GRAMD4: variants seen among roughly 807,000 people sequenced by gnomAD.
GRAMD4 encodes the protein GRAM domain containing 4, also known as GRAM domain-containing protein 4.
A neutral mutation model predicts 83.9 loss-of-function variants in GRAMD4; 25 were observed. That is an observed-to-expected ratio of 0.30 (90% CI 0.22 to 0.42). The LOEUF (loss-of-function observed/expected upper bound fraction) is 0.42. Ranked by LOEUF, GRAMD4 falls within the 10% of genes least tolerant of loss-of-function variation. GRAMD4 has a pLI of 1.00. For missense variants in GRAMD4, 593 were observed against 788.7 expected (o/e 0.75, Z 2.97); for synonymous variants, 336 against 320.9 (o/e 1.05, Z -0.50).
At chr22:46,675,152 T>C (rs904027973) in intron 16 of GRAMD4, among the ~76,000 whole-genome samples, 5 of 151,786 alleles carry the variant, frequency 3.3e-5, no homozygotes, top group Admixed American at 6.6e-5. Context: ...GAATGTCTTA[T>C]GCAGAGCAGT....
At chr22:46,676,848 A>G (rs1328123965) in intron 18 of GRAMD4, among the ~76,000 whole-genome samples, 180 bp downstream of exon 18, 1 of 152,126 alleles carries the variant, frequency 6.6e-6, no homozygotes, top group Admixed American at 6.5e-5. Context: ...TGGGTTGGAA[A>G]TCTTGCTGGG....
intron 1 of GRAMD4, among the ~76,000 whole-genome samples, chr22:46,609,201 C>T (rs2081394500): frequency 1.3e-5 from 2 of 152,198 alleles, no homozygotes; most frequent in Admixed American, 6.5e-5. Flanking sequence ...TCGCAGACCG[C>T]TGAGTGGCGC....
At chr22:46,641,557 C>G (rs1438268474) in intron 3 of GRAMD4, among the ~76,000 whole-genome samples, 3 of 152,192 alleles carry the variant, frequency 2.0e-5, no homozygotes, top group Non-Finnish European at 2.9e-5. Flanking sequence ...GCGCGTCACA[C>G]TTTTTGTCCT....
At chr22:46,676,714 G>A (rs1180246563) in intron 18 of GRAMD4, 46 bp downstream of exon 18, 3 of 1,511,822 alleles carry the variant, frequency 2.0e-6, no homozygotes, top group Non-Finnish European at 2.7e-6. Context: ...GTGGGCCCAG[G>A]GGCCTGACTC....
In GRAMD4 at chr22:46,664,031, G is replaced by A. The variant is rs200160992; in HGVS notation, c.631G>A (p.Gly211Ser). 1.6e-5 allele frequency: 25 copies of A among 1,612,714 alleles called. No individual in the cohort carries two copies. Among genetic ancestry groups the A allele is most frequent in the Middle Eastern group, 3.3e-4 (2 of 6,060 alleles). Residue 211 changes from glycine to serine, a missense_variant, in exon 8 of 19, where the codon GGT (glycine) becomes AGT (serine). Transcript: ENST00000406902. Reference sequence around the variant, plus strand: ...GTGGTCTGCTCTGTCCCCAGAGCGCGGTGCCAAGCCGGTCACTAACTTTGT... The same window carrying A: ...GTGGTCTGCTCTGTCCCCAGAGCGCAGTGCCAAGCCGGTCACTAACTTTGT... ...LTENMRRLKR[G>S]AKPVTNFVKN...
At chr22:46,581,290 C>A (rs574527725) in intron 1 of GRAMD4, among the ~76,000 whole-genome samples, 2 of 152,376 alleles carry the variant, frequency 1.3e-5, no homozygotes, top group Middle Eastern at 3.4e-3. Flanking sequence ...GCACAGCAGG[C>A]CTGCGCTGAG....
chr22:46,649,740 A>G (rs1475984057), intron 3 of GRAMD4, among the ~76,000 whole-genome samples: 1 of 152,270 alleles, frequency 6.6e-6, no homozygotes, highest in Non-Finnish European at 1.5e-5. Context: ...GCGGTAAATG[A>G]CACCGCAATA....
At chr22:46,591,552 G>T (rs982518619) in intron 1 of GRAMD4, among the ~76,000 whole-genome samples, 1 of 151,892 alleles carries the variant, frequency 6.6e-6, no homozygotes. Flanking sequence ...GGCCACCCCC[G>T]GGCCGTGCAC....
At chr22:46,595,327 T>C (rs1160551645) in intron 1 of GRAMD4, among the ~76,000 whole-genome samples, 2 of 152,178 alleles carry the variant, frequency 1.3e-5, no homozygotes, top group Non-Finnish European at 2.9e-5. Context: ...GTGTTTCACT[T>C]GGCTGCCTCT....
intron 2 of GRAMD4, among the ~76,000 whole-genome samples, chr22:46,635,178 A>G (rs371570373): frequency 0.013 from 1,108 of 83,596 alleles, 4 homozygotes; most frequent in African/African-American, 0.036. Flanking sequence ...TGTCCTGGGG[A>G]ACCGTGTCCT....
intron 1 of GRAMD4, among the ~76,000 whole-genome samples, chr22:46,610,488 C>A (rs1268619769): frequency 1.3e-5 from 2 of 152,248 alleles, no homozygotes; most frequent in African/African-American, 4.8e-5. Context: ...TTGTAGAGGC[C>A]GTGTGGCCTG....
At chr22:46,676,311 C>T (rs1005069758) in intron 17 of GRAMD4, among the ~76,000 whole-genome samples, 1 of 152,196 alleles carries the variant, frequency 6.6e-6, no homozygotes, top group East Asian at 1.9e-4. Context: ...AGTTCTGGGG[C>T]TGAGTGCCTA....
upstream of GRAMD4, among the ~76,000 whole-genome samples, chr22:46,615,664 GTGCGTAGGTTCC>G (rs2081475252): frequency 5.1e-5 from 1 of 19,640 alleles, no homozygotes; most frequent in Admixed American, 7.5e-4. Flanking sequence ...AGGTTCCCCC[GTGCGTAGGTTCC>G]CCTGTGCGTA....
intron 2 of GRAMD4, among the ~76,000 whole-genome samples, chr22:46,630,666 C>T (rs921290776): frequency 9.9e-5 from 15 of 152,216 alleles, no homozygotes; most frequent in East Asian, 1.9e-4. Context: ...CTCCTGGCAG[C>T]GGCTCAGGAT....
At chr22:46,582,146 A>G (rs2081104670) in intron 1 of GRAMD4, among the ~76,000 whole-genome samples, 1 of 152,062 alleles carries the variant, frequency 6.6e-6, no homozygotes, top group South Asian at 2.1e-4. Flanking sequence ...GCAGTGGCCG[A>G]GTCACTGCCC....
intron 13 of GRAMD4, chr22:46,671,017 C>T (rs2082494715): frequency 2.3e-6 from 1 of 429,612 alleles, no homozygotes; most frequent in Non-Finnish European, 5.1e-6. Context: ...GATGGCATTC[C>T]TGGCTTATCG....
At chr22:46,636,785 C>T (rs1412694449) in intron 2 of GRAMD4, among the ~76,000 whole-genome samples, 2 of 152,216 alleles carry the variant, frequency 1.3e-5, no homozygotes, top group South Asian at 2.1e-4. Flanking sequence ...GGGCATGGCC[C>T]CTGCTTTCTG....
At chr22:46,639,316 C>CTG (rs1228922332) in intron 3 of GRAMD4, among the ~76,000 whole-genome samples, 1 of 131,118 alleles carries the variant, frequency 7.6e-6, no homozygotes, top group African/African-American at 2.9e-5. Flanking sequence ...GTGGTTAACC[C>CTG]TGTGTGTGTG....
Position 46,636,594 on chromosome 22 carries a change from A to G in GRAMD4, c.163-1246A>G, listed in dbSNP as rs536021039. 2.6e-5 allele frequency among the ~76,000 whole-genome samples: 4 copies of G among 152,324 alleles called. No homozygotes were observed. The East Asian group carries it at 7.7e-4, about 29-fold the overall frequency. The stretch of plus-strand genomic sequence containing the variant: ...CTCCGGGTGGCCTTGTTGAAGCCGC[A>G]CACCTGTTACCTGGCTCTGGAGGAG... On this transcript the variant is annotated intron_variant, in intron 2 of 18. Coordinates refer to ENST00000406902, the MANE Select transcript of GRAMD4 (RefSeq NM_015124.5).
Sources: allele counts gnomAD v4.1 joint callset (sites outside exome capture counted in the v4.1 genomes callset), GRCh38; gene constraint gnomAD v4.1.1; transcripts MANE v1.5; gene names NCBI Gene and HGNC (gene_info 2026-07-23, HGNC 2026-07-21).